HHLA2: variants seen among roughly 807,000 people sequenced by gnomAD.
HHLA2 encodes HHLA2 member of B7 family, also known as HERV-H LTR-associating protein 2.
HHLA2 carries 48 observed loss-of-function variants against 45.9 expected under a neutral mutation model. The observed-to-expected ratio is 1.05, with a 90% confidence interval of 0.83 to 1.33. The LOEUF is 1.33. HHLA2 is among the 40% of genes most tolerant of loss of function. The pLI, the probability that HHLA2 is intolerant of heterozygous loss-of-function variation, is 0.00. For synonymous variants in HHLA2, 161 were observed against 173.9 expected, an observed-to-expected ratio of 0.93 and a Z score of 0.59; for missense variants, 462 against 494.3, an observed-to-expected ratio of 0.93 and a Z score of 0.62.
chr3:108,322,445 G>T (rs2081219223), intron 2 of HHLA2, among the ~76,000 whole-genome samples: 1 of 152,172 alleles, frequency 6.6e-6, no homozygotes, highest in East Asian at 1.9e-4. Flanking sequence ...TCGTTTAAGA[G>T]TCTGACTCCA....
chr3:108,323,778 G>A (rs1268190335), intron 2 of HHLA2, among the ~76,000 whole-genome samples: 1 of 152,084 alleles, frequency 6.6e-6, no homozygotes, highest in African/African-American at 2.4e-5. Flanking sequence ...TTTTAGTAGT[G>A]CTCTATTGTA....
At chr3:108,354,927 C>A (rs1223694959) in intron 5 of HHLA2, among the ~76,000 whole-genome samples, 188 bp from the exon 5 acceptor site, 2 of 152,066 alleles carry the variant, frequency 1.3e-5, no homozygotes, top group African/African-American at 2.4e-5. Flanking sequence ...TTCTAGATAA[C>A]CACACTATAT....
chr3:108,298,973 C>G (rs1203361809), intron 1 of HHLA2, among the ~76,000 whole-genome samples: 1 of 152,174 alleles, frequency 6.6e-6, no homozygotes, highest in Non-Finnish European at 1.5e-5. Context: ...CAGGTCTGTC[C>G]TAGACACCAC....
chr3:108,351,799 T>G lies in HHLA2; in HGVS notation c.-15T>G, dbSNP rs747995594. On this transcript the variant is annotated 5_prime_UTR_variant, in exon 4 of 11. The change abolishes an upstream ATG in the 5' untranslated region. Coordinates refer to ENST00000619531, the Ensembl canonical transcript of HHLA2. Reference sequence around the variant, plus strand: ...CTTCTCTTTGATAGCATGACTAATATGTTCTGCACAAGACATGAAGGCACA... The same window carrying G: ...CTTCTCTTTGATAGCATGACTAATAGGTTCTGCACAAGACATGAAGGCACA... 1.2e-6 allele frequency: 2 copies of G among 1,610,108 alleles called. No homozygotes were observed. The highest frequency in any genetic ancestry group is 1.7e-6 in the Non-Finnish European group (2 of 1,177,116).
At chr3:108,375,300 A>C in intron 8 of HHLA2, among the ~76,000 whole-genome samples, 1 of 142,650 alleles carries the variant, frequency 7.0e-6, no homozygotes, top group Middle Eastern at 3.5e-3. Context: ...GGACACAGGA[A>C]GGGGAACATC....
chr3:108,308,127 G>A (rs542928517), intron 1 of HHLA2, among the ~76,000 whole-genome samples: 1 of 151,906 alleles, frequency 6.6e-6, no homozygotes, highest in Admixed American at 6.6e-5. Flanking sequence ...ACTATTTTTT[G>A]TACCCATTAA....
At chr3:108,343,749 G>A (rs1221863734) in intron 3 of HHLA2, among the ~76,000 whole-genome samples, 5 of 152,192 alleles carry the variant, frequency 3.3e-5, no homozygotes, top group East Asian at 1.9e-4. Context: ...GGGGAATGAC[G>A]ATTGCTGGAT....
At chr3:108,349,246 G>A (rs564664237) in intron 3 of HHLA2, among the ~76,000 whole-genome samples, 104 of 150,976 alleles carry the variant, frequency 6.9e-4, no homozygotes, top group South Asian at 3.8e-3. Context: ...TAGACCACTA[G>A]CCAGACTAAT....
intron 3 of HHLA2, among the ~76,000 whole-genome samples, chr3:108,346,968 A>G (rs1462948328): frequency 6.6e-6 from 1 of 152,142 alleles, no homozygotes; most frequent in Admixed American, 6.6e-5. Context: ...GCCATATTCT[A>G]TTGCAGAGGC....
chr3:108,350,489 T>C (rs1463058487), intron 3 of HHLA2, among the ~76,000 whole-genome samples: 1 of 152,198 alleles, frequency 6.6e-6, no homozygotes, highest in Non-Finnish European at 1.5e-5. Context: ...TGAAGGAATC[T>C]AATTTTACTT....
chr3:108,352,618 C>T (rs563603830), intron 4 of HHLA2, among the ~76,000 whole-genome samples: 2 of 152,182 alleles, frequency 1.3e-5, no homozygotes, highest in African/African-American at 4.8e-5. Context: ...GTTAGATTAC[C>T]TCCTTCAATG....
chr3:108,377,510 G>C, exon 11 of HHLA2: 1 of 505,564 alleles, frequency 2.0e-6, no homozygotes, highest in Non-Finnish European at 3.6e-6. Context: ...GGATGTTAAG[G>C]ATTCCAATTT....
At chr3:108,371,751 G>A (rs953421884) in intron 8 of HHLA2, among the ~76,000 whole-genome samples, 1 of 152,252 alleles carries the variant, frequency 6.6e-6, no homozygotes, top group Non-Finnish European at 1.5e-5. Flanking sequence ...AATGGTAAAG[G>A]GATCAACTCA....
intron 6 of HHLA2, 76 bp downstream of exon 5, chr3:108,355,457 A>C: frequency 6.8e-6 from 10 of 1,478,980 alleles, no homozygotes; most frequent in Non-Finnish European, 9.1e-6. Context: ...TTGCAAAAAA[A>C]GAAAGGAAGA....
At chr3:108,339,821 G>A (rs1427595485) in intron 3 of HHLA2, among the ~76,000 whole-genome samples, 1 of 152,092 alleles carries the variant, frequency 6.6e-6, no homozygotes. Context: ...CCATTTGTTG[G>A]CCAGGGAAGA....
intron 3 of HHLA2, among the ~76,000 whole-genome samples, chr3:108,351,441 C>T (rs1242735477): frequency 6.6e-6 from 1 of 152,176 alleles, no homozygotes; most frequent in African/African-American, 2.4e-5. Flanking sequence ...AATCTTTATT[C>T]ATTCAAGAGC....
chr3:108,369,390 G>A (rs370671660), intron 8 of HHLA2, among the ~76,000 whole-genome samples: 6 of 152,272 alleles, frequency 3.9e-5, no homozygotes, highest in African/African-American at 1.4e-4. Context: ...CGTGAGCGAC[G>A]CAGAAGACGG....
chr3:108,314,315 C>A (rs2081067568), intron 2 of HHLA2, among the ~76,000 whole-genome samples: 1 of 145,488 alleles, frequency 6.9e-6, no homozygotes, highest in African/African-American at 2.6e-5. Context: ...AGGAGCAAAG[C>A]AAATCCATGG....
intron 8 of HHLA2, among the ~76,000 whole-genome samples, chr3:108,371,723 CAAAG>C (rs1251905783): frequency 1.3e-5 from 2 of 152,216 alleles, no homozygotes; most frequent in East Asian, 3.9e-4. Context: ...TCAAAAGAGA[CAAAG>C]AAAGCCGTTA....
Sources: gnomAD v4.1 joint callset for allele counts (sites outside exome capture counted in the v4.1 genomes callset) on GRCh38, gnomAD v4.1.1 for gene constraint, MANE v1.5 for transcripts, NCBI Gene and HGNC (gene_info 2026-07-23, HGNC 2026-07-21) for gene names.